CNBD1: variants seen among roughly 807,000 people sequenced by gnomAD.
CNBD1 encodes the protein cyclic nucleotide-binding domain-containing protein 1.
CNBD1 carries 71 observed loss-of-function variants against 54.4 expected under a neutral mutation model. The ratio of observed to expected loss-of-function variants is 1.30; its 90% CI spans 1.08 to 1.59. The LOEUF (loss-of-function observed/expected upper bound fraction) is 1.59. CNBD1 is among the 40% of genes most tolerant of loss of function. The pLI is 0.00. For missense variants in CNBD1, 659 were observed against 518.0 expected, an observed-to-expected ratio of 1.27 and a Z score of -2.64; for synonymous variants, 182 against 170.7, an observed-to-expected ratio of 1.07 and a Z score of -0.51.
In CNBD1 at chr8:87,118,388, G is replaced by T. The variant is rs537038665; in HGVS notation, c.432-87605G>T. Reference sequence around the variant, plus strand: ...AATACCGCTGGTATTGTAGGTGGAGGTGCATGGTTCATGTATGTAAATAGG... The same window carrying T: ...AATACCGCTGGTATTGTAGGTGGAGTTGCATGGTTCATGTATGTAAATAGG... On this transcript the variant is annotated intron_variant, in intron 4 of 10. Transcript: ENST00000518476. 7.5e-4 allele frequency among the ~76,000 whole-genome samples: 114 copies of T among 151,934 alleles called. 1 individual carries two copies. Among genetic ancestry groups the T allele is most frequent in the Non-Finnish European group, 1.1e-3 (72 of 67,976 alleles).
intron 8 of CNBD1, among the ~76,000 whole-genome samples, chr8:87,290,196 A>G (rs895327094): frequency 2.0e-5 from 3 of 152,044 alleles, no homozygotes; most frequent in Non-Finnish European, 4.4e-5. Flanking sequence ...CATATGTTAC[A>G]AATTTAACAA....
At chr8:87,344,360 T>C in intron 8 of CNBD1, among the ~76,000 whole-genome samples, 1 of 152,198 alleles carries the variant, frequency 6.6e-6, no homozygotes, top group East Asian at 1.9e-4. Flanking sequence ...TTACAAAGTC[T>C]AATAAGAAAA....
At chr8:87,263,383 G>A (rs888382306) in intron 6 of CNBD1, among the ~76,000 whole-genome samples, 4 of 151,862 alleles carry the variant, frequency 2.6e-5, no homozygotes, top group African/African-American at 9.7e-5. Context: ...TGCATAATTT[G>A]AATTGGGCAA....
chr8:87,102,305 A>C (rs1243136151), intron 4 of CNBD1, among the ~76,000 whole-genome samples: 1 of 152,198 alleles, frequency 6.6e-6, no homozygotes, highest in African/African-American at 2.4e-5. Context: ...GTTTACTTAC[A>C]GTAACATGAG....
intron 6 of CNBD1, among the ~76,000 whole-genome samples, chr8:87,267,101 T>C (rs1298733136): frequency 6.6e-6 from 1 of 152,110 alleles, no homozygotes; most frequent in African/African-American, 2.4e-5. Context: ...GATATCTGCA[T>C]CATACACAAA....
intron 8 of CNBD1, among the ~76,000 whole-genome samples, chr8:87,308,481 C>T (rs1246850183): frequency 6.6e-6 from 1 of 151,998 alleles, no homozygotes; most frequent in African/African-American, 2.4e-5. Context: ...ATATAATGTA[C>T]ATATTTATGG....
intron 8 of CNBD1, among the ~76,000 whole-genome samples, chr8:87,337,538 C>T (rs111274345): frequency 2.1e-4 from 32 of 152,350 alleles, no homozygotes; most frequent in African/African-American, 6.3e-4. Flanking sequence ...TAGGCCAATT[C>T]TAGCTGAGTG....
At chr8:87,093,370 G>C (rs1811256832) in intron 4 of CNBD1, among the ~76,000 whole-genome samples, 1 of 152,104 alleles carries the variant, frequency 6.6e-6, no homozygotes, top group Non-Finnish European at 1.5e-5. Context: ...CTGTGACTGT[G>C]AGAGAGCTGT....
intron 3 of CNBD1, among the ~76,000 whole-genome samples, chr8:86,914,502 A>G (rs563267216): frequency 4.6e-4 from 70 of 152,230 alleles, no homozygotes; most frequent in Non-Finnish European, 9.3e-4. Flanking sequence ...TATGATGTTT[A>G]CCCAATGACA....
intron 3 of CNBD1, among the ~76,000 whole-genome samples, chr8:86,915,388 CTTA>C (rs1321934194): frequency 6.6e-6 from 1 of 152,186 alleles, no homozygotes; most frequent in Non-Finnish European, 1.5e-5. Context: ...CTGGGAATTG[CTTA>C]TGTCTACACC....
intron 5 of CNBD1, among the ~76,000 whole-genome samples, chr8:87,230,212 T>C (rs1207218598): frequency 6.6e-6 from 1 of 152,238 alleles, no homozygotes; most frequent in East Asian, 1.9e-4. Flanking sequence ...TGCTAAACCA[T>C]TCATGAATGA....
chr8:86,881,418 A>G (rs116255743), intron 1 of CNBD1, among the ~76,000 whole-genome samples: 1,533 of 152,280 alleles, frequency 0.01, 27 homozygotes, highest in African/African-American at 0.033. Flanking sequence ...CCCATTAACA[A>G]TTGCCACAGA....
At chr8:87,301,154 A>C (rs1808980361) in intron 8 of CNBD1, among the ~76,000 whole-genome samples, 1 of 152,152 alleles carries the variant, frequency 6.6e-6, no homozygotes, top group South Asian at 2.1e-4. Context: ...AATCAGGAAG[A>C]ATTAGATACC....
In CNBD1 at chr8:86,866,500, C is replaced by A; in HGVS notation, c.5C>A (p.Pro2Gln). 1 of 1,609,934 alleles carries A rather than the reference C, an allele frequency of 6.2e-7. No homozygotes were observed. Among genetic ancestry groups the A allele is most frequent in the Non-Finnish European group, 8.5e-7 (1 of 1,178,042 alleles). ...ATCTGCCTTTGAGCCATCAAGATGC[C>A]GATGTCTTCTCTTCCAGCAGCTATT... M[P>Q]MSSLPAAILS... The change falls in exon 1 of 11, where the codon CCG becomes CAG. Residue 2 changes from proline to glutamine, a missense_variant. Transcript: ENST00000518476.
intron 4 of CNBD1, among the ~76,000 whole-genome samples, chr8:87,039,549 T>A (rs1255689923): frequency 6.6e-6 from 1 of 152,172 alleles, no homozygotes; most frequent in African/African-American, 2.4e-5. Flanking sequence ...TTCCAGTTTC[T>A]TTTGTTAAAA....
At chr8:87,236,316 C>A (rs1807583947) in intron 5 of CNBD1, among the ~76,000 whole-genome samples, 1 of 152,022 alleles carries the variant, frequency 6.6e-6, no homozygotes, top group African/African-American at 2.4e-5. Context: ...GATGTACAGG[C>A]ACACAGTTTA....
At chr8:87,410,005 A>G (rs1807714887) in intron 2 of CNBD1, among the ~76,000 whole-genome samples, 1 of 151,784 alleles carries the variant, frequency 6.6e-6, no homozygotes, top group South Asian at 2.1e-4. Flanking sequence ...CCTGGGTGAC[A>G]GAGCGAGACT....
chr8:87,302,454 A>T, intron 8 of CNBD1, among the ~76,000 whole-genome samples: 1 of 150,642 alleles, frequency 6.6e-6, no homozygotes, highest in South Asian at 2.1e-4. Context: ...CATGCTAAAA[A>T]CTCTCAATAA....
At chr8:86,943,814 A>G (rs1374565415) in intron 4 of CNBD1, among the ~76,000 whole-genome samples, 1 of 152,100 alleles carries the variant, frequency 6.6e-6, no homozygotes, top group Non-Finnish European at 1.5e-5. Context: ...ACAATAAACA[A>G]AAAGGGAAGG....
Sources: allele counts gnomAD v4.1 joint callset (sites outside exome capture counted in the v4.1 genomes callset), GRCh38; gene constraint gnomAD v4.1.1; transcripts MANE v1.5; gene names NCBI Gene and HGNC (gene_info 2026-07-23, HGNC 2026-07-21).